ECM2: variants seen among roughly 807,000 people sequenced by gnomAD.
ECM2 encodes extracellular matrix protein 2, female organ and adipocyte specific.
In ECM2, 57 loss-of-function variants were observed where a neutral mutation model predicts 67.5. The ratio of observed to expected loss-of-function variants is 0.84; its 90% CI spans 0.68 to 1.05. ECM2 has a LOEUF of 1.05. Among genes scored for constraint, ECM2 ranks in the 50% least tolerant of loss-of-function variants. The pLI is 0.00. For missense variants in ECM2, 741 were observed against 822.8 expected, an observed-to-expected ratio of 0.90 and a Z score of 1.22; for synonymous variants, 258 against 294.5, an observed-to-expected ratio of 0.88 and a Z score of 1.27.
chr9:92,509,320 C>CTT (rs1275238028), intron 6 of ECM2, among the ~76,000 whole-genome samples: 1 of 152,198 alleles, frequency 6.6e-6, no homozygotes, highest in African/African-American at 2.4e-5. Context: ...AGAGCATGTG[C>CTT]TTTCTTTGTA....
At chr9:92,503,750 G>A (rs1588192797) in intron 7 of ECM2, among the ~76,000 whole-genome samples, 1 of 152,216 alleles carries the variant, frequency 6.6e-6, no homozygotes, top group African/African-American at 2.4e-5. Flanking sequence ...TTAGAAATTA[G>A]TAAAACAATT....
chr9:92,510,810 G>A (rs192808028), intron 5 of ECM2, among the ~76,000 whole-genome samples: 12 of 152,300 alleles, frequency 7.9e-5, no homozygotes, highest in Non-Finnish European at 1.6e-4. Flanking sequence ...GGACAAATAG[G>A]AAAAGGACCC....
chr9:92,550,512 T>A, the ECM2 span, among the ~76,000 whole-genome samples: 5 of 152,136 alleles, frequency 3.3e-5, no homozygotes, highest in African/African-American at 1.2e-4. Context: ...AACTGTAAGA[T>A]ATGACAATTG....
Position 92,496,427 on chromosome 9 carries a change from T to C in ECM2, c.1988A>G (p.Glu663Gly). ...NAEEDDDSNLEHLHLENNYIK... is the reference protein window; with the variant it reads ...NAEEDDDSNLGHLHLENNYIK... The stretch of plus-strand genomic sequence containing the variant: ...ATAATTGTTTTCAAGATGAAGATGT[T>C]CCAGATTTGAGTCATCATCCTCTTC... Residue 663 changes from glutamate to glycine, a missense_variant, in exon 10 of 10, where the codon GAA becomes GGA. Transcript: ENST00000344604. 6.2e-7 allele frequency: 1 copy of C among 1,609,578 alleles called. No homozygotes were observed. Among genetic ancestry groups the C allele is most frequent in the Non-Finnish European group, 8.5e-7 (1 of 1,178,534 alleles).
intron 1 of ECM2, among the ~76,000 whole-genome samples, chr9:92,530,991 A>G (rs754497225): frequency 6.6e-6 from 1 of 152,022 alleles, no homozygotes; most frequent in Non-Finnish European, 1.5e-5. Flanking sequence ...ATGTCTGCAA[A>G]ATATATGTTT....
intron 6 of ECM2, 46 bp from the exon 7 acceptor site, chr9:92,505,736 A>T: frequency 6.8e-7 from 1 of 1,468,074 alleles, no homozygotes. Flanking sequence ...TTGAAAAACC[A>T]TGCAAATTTT....
At chr9:92,502,430 C>T in intron 8 of ECM2, 83 bp downstream of exon 8, 1 of 1,514,786 alleles carries the variant, frequency 6.6e-7, no homozygotes, top group South Asian at 1.2e-5. Context: ...CTCACTTATC[C>T]CATTCCCAGT....
the ECM2 span, among the ~76,000 whole-genome samples, chr9:92,556,112 T>G: frequency 6.6e-6 from 1 of 152,198 alleles, no homozygotes; most frequent in Admixed American, 6.5e-5. Context: ...GTTCAAATAA[T>G]TTTTTAATTT....
In ECM2 at chr9:92,524,811, A is replaced by G. The variant is rs1352821823; in HGVS notation, c.-27-1918T>C. 3.9e-5 allele frequency among the ~76,000 whole-genome samples: 6 copies of G among 152,334 alleles called. No homozygotes were observed. The East Asian group carries it at 1.2e-3, about 29-fold the overall frequency. The stretch of plus-strand genomic sequence containing the variant: ...GAAGGTTAAAGTAACTAACTTGCTC[A>G]GTGATGAAATTTATTTCAATTCTCA... On this transcript the variant is annotated intron_variant, in intron 1 of 9. Coordinates refer to ENST00000344604, the MANE Select transcript of ECM2 (RefSeq NM_001393.4).
At chr9:92,549,508 G>A in the ECM2 span, among the ~76,000 whole-genome samples, 1 of 152,038 alleles carries the variant, frequency 6.6e-6, no homozygotes, top group Non-Finnish European at 1.5e-5. Context: ...TTAGCTGGGC[G>A]TTGTGGCACA....
intron 2 of ECM2, among the ~76,000 whole-genome samples, chr9:92,521,129 A>G (rs1401827130): frequency 2.0e-5 from 3 of 152,226 alleles, no homozygotes; most frequent in Admixed American, 2.0e-4. Flanking sequence ...GATACAATCA[A>G]AAAGTACTGT....
intron 6 of ECM2, among the ~76,000 whole-genome samples, chr9:92,509,362 A>G (rs1449313544): frequency 6.6e-6 from 1 of 152,210 alleles, no homozygotes; most frequent in African/African-American, 2.4e-5. Flanking sequence ...TGCAGTGCCC[A>G]TTTATTCATA....
At position 92,534,476 on chromosome 9, in the gene ECM2, A is replaced by AT. The variant is rs1357123957; in HGVS notation, c.-28+1456dup. ...CAGCATACAAACCTTTCTTCAGCGT[A>AT]TATATACATTAATTGCCACAGTCAT... is the stretch of plus-strand genomic sequence containing the variant. On this transcript the variant is annotated intron_variant, in intron 1 of 9. Transcript: ENST00000344604. 2.6e-5 allele frequency among the ~76,000 whole-genome samples: 4 copies of AT among 152,202 alleles called. 1 individual carries two copies. The East Asian group carries it at 7.7e-4, about 29-fold the overall frequency.
At chr9:92,552,301 AC>A in the ECM2 span, among the ~76,000 whole-genome samples, 1 of 151,948 alleles carries the variant, frequency 6.6e-6, no homozygotes, top group South Asian at 2.1e-4. Context: ...GCTGCTATAA[AC>A]ATGCATGTCT....
At chr9:92,497,773 G>A (rs1255653147) in intron 9 of ECM2, among the ~76,000 whole-genome samples, 1 of 151,580 alleles carries the variant, frequency 6.6e-6, no homozygotes, top group Admixed American at 6.6e-5. Context: ...AGGTGTTTGG[G>A]TCATGGGGGG....
At chr9:92,550,059 T>C in the ECM2 span, among the ~76,000 whole-genome samples, 20 of 152,168 alleles carry the variant, frequency 1.3e-4, no homozygotes, top group African/African-American at 4.6e-4. Context: ...ATTGATGGAT[T>C]CCCCTGCATT....
chr9:92,546,415 C>G, the ECM2 span, among the ~76,000 whole-genome samples: 1 of 152,182 alleles, frequency 6.6e-6, no homozygotes, highest in African/African-American at 2.4e-5. Flanking sequence ...TCCACGCTGA[C>G]TTTATGAGCT....
At chr9:92,555,944 C>T in the ECM2 span, among the ~76,000 whole-genome samples, 1 of 151,886 alleles carries the variant, frequency 6.6e-6, no homozygotes, top group Admixed American at 6.6e-5. Flanking sequence ...GTCTGTGTTT[C>T]GTTTGTTCTT....
At position 92,508,077 on chromosome 9, in the gene ECM2, T is replaced by C. The variant is rs185860012; in HGVS notation, c.1306+1822A>G. Among the ~76,000 whole-genome samples, 640 of 152,206 alleles carry C rather than the reference T, an allele frequency of 4.2e-3. 10 individuals carry two copies. Among genetic ancestry groups the C allele is most frequent in the East Asian group, 2.5e-3 (13 of 5,142 alleles). On this transcript the variant is annotated intron_variant, in intron 6 of 9. Coordinates refer to ENST00000344604, the MANE Select transcript of ECM2 (RefSeq NM_001393.4). ...GAGTGAGGAGCCACCCCAAGAGAGA[T>C]GACGGGAGAGCAGTGGGCCACCTGC...
Sources: allele counts gnomAD v4.1 joint callset (sites outside exome capture counted in the v4.1 genomes callset), GRCh38; gene constraint gnomAD v4.1.1; transcripts MANE v1.5; gene names NCBI Gene and HGNC (gene_info 2026-07-23, HGNC 2026-07-21).